MTMR8: variants seen among roughly 807,000 people sequenced by gnomAD.
MTMR8 encodes myotubularin related protein 8.
MTMR8 carries 65 observed loss-of-function variants against 39.3 expected under a neutral mutation model. The observed-to-expected ratio is 1.65, with a 90% CI of 1.35 to 2.03. The LOEUF is 2.03. MTMR8 is among the 30% of genes most tolerant of loss of function. The pLI is 0.00. For missense variants in MTMR8, 777 were observed against 538.9 expected, an observed-to-expected ratio of 1.44 and a Z score of -4.37; for synonymous variants, 245 against 185.2, an observed-to-expected ratio of 1.32 and a Z score of -2.62.
At chrX:64,299,933 T>C (rs1301888734) in intron 12 of MTMR8, among the ~76,000 whole-genome samples, 3 of 75,600 alleles carry the variant, frequency 4.0e-5, no homozygotes, top group East Asian at 4.3e-4. Flanking sequence ...GATTGCACTG[T>C]GGTCTGAGAG....
At chrX:64,295,318 A>C (rs1921537832) in intron 12 of MTMR8, among the ~76,000 whole-genome samples, 1 of 111,494 alleles carries the variant, frequency 9.0e-6, no homozygotes, top group Non-Finnish European at 1.9e-5. Flanking sequence ...TAAAACTGTA[A>C]AATTCTTTTT....
intron 7 of MTMR8, 150 bp from the exon 8 acceptor site, chrX:64,343,870 G>C: frequency 2.2e-6 from 1 of 449,871 alleles, no homozygotes; most frequent in Non-Finnish European, 3.9e-6. Flanking sequence ...GTCAGGGACA[G>C]AACTAGGTCT....
At chrX:64,368,345 C>T (rs1408224392) in intron 1 of MTMR8, among the ~76,000 whole-genome samples, 1 of 111,544 alleles carries the variant, frequency 9.0e-6, no homozygotes, top group Non-Finnish European at 1.9e-5. Flanking sequence ...GTCACACTAC[C>T]TGACTTCAAA....
At chrX:64,312,020 G>GT (rs1162813305) in intron 12 of MTMR8, among the ~76,000 whole-genome samples, 1 of 111,186 alleles carries the variant, frequency 9.0e-6, no homozygotes, top group Non-Finnish European at 1.9e-5. Flanking sequence ...CTTTAAAGCA[G>GT]TTTTTTCCAA....
At chrX:64,273,302 AAG>A (rs1191471945) in intron 12 of MTMR8, among the ~76,000 whole-genome samples, 1 of 111,023 alleles carries the variant, frequency 9.0e-6, no homozygotes, top group African/African-American at 3.3e-5. Flanking sequence ...TAACATAGAG[AAG>A]AAGAAAATGT....
chrX:64,324,364 G>A (rs1376420164), intron 12 of MTMR8, among the ~76,000 whole-genome samples: 1 of 111,119 alleles, frequency 9.0e-6, no homozygotes, highest in Non-Finnish European at 1.9e-5. Context: ...CATATCTCAA[G>A]AAAGAAAGAA....
chrX:64,337,360 G>T lies in MTMR8; in HGVS notation c.1009C>A (p.His337Asn). The stretch of plus-strand genomic sequence containing the variant: ...GTGCGGTCCCATCCATCAGAACAAT[G>T]GACTAAGACACTGGCCTTTTCTACC... ...VKVEKASVLV[H>N]CSDGWDRTAQ... Residue 337 changes from histidine (H) to asparagine (N), a missense_variant, in exon 9 of 14, where the codon CAT becomes AAT. Coordinates refer to ENST00000374852, the MANE Select transcript of MTMR8 (RefSeq NM_017677.4). 2 of 1,209,660 alleles carry T rather than the reference G, an allele frequency of 1.7e-6. No individual in the cohort carries two copies. Among genetic ancestry groups the T allele is most frequent in the East Asian group, 5.9e-5 (2 of 33,725 alleles).
At chrX:64,358,819 A>G (rs2147233861) in intron 2 of MTMR8, among the ~76,000 whole-genome samples, 1 of 106,691 alleles carries the variant, frequency 9.4e-6, no homozygotes, top group Non-Finnish European at 1.9e-5. Context: ...GTATAAAAAG[A>G]AACACATACA....
At chrX:64,270,854 A>G (rs937873035) in intron 13 of MTMR8, 93 bp downstream of exon 13, 1 of 1,024,416 alleles carries the variant, frequency 9.8e-7, no homozygotes, top group African/African-American at 1.9e-5. Context: ...AAAGCCAGCC[A>G]GTCAGCTTTC....
chrX:64,367,175 G>A, intron 1 of MTMR8, among the ~76,000 whole-genome samples: 1 of 111,715 alleles, frequency 9.0e-6, no homozygotes, highest in Non-Finnish European at 1.9e-5. Flanking sequence ...AATTCTACCA[G>A]AGGTAAAAAG....
Position 64,354,478 on chromosome X carries a change from A to G in MTMR8, c.468+299T>C, listed in dbSNP as rs895044832. Reference sequence around the variant, plus strand: ...ATAATTAAAAATAAAAAATGTTAAAATAAATTAGCCTTCACAAGGCTACTC... The same window carrying G: ...ATAATTAAAAATAAAAAATGTTAAAGTAAATTAGCCTTCACAAGGCTACTC... On this transcript the variant is annotated intron_variant, in intron 4 of 13. Transcript: ENST00000374852. Among the ~76,000 whole-genome samples, 13 of 111,493 alleles carry G rather than the reference A, an allele frequency of 1.2e-4. 1 individual carries two copies. The highest frequency in any genetic ancestry group is 2.3e-4 in the Non-Finnish European group (12 of 53,089).
chrX:64,272,776 G>T (rs1836127622), intron 12 of MTMR8, among the ~76,000 whole-genome samples: 1 of 111,351 alleles, frequency 9.0e-6, no homozygotes, highest in Non-Finnish European at 1.9e-5. Context: ...AAAGCAGTAA[G>T]ATAAAACCAA....
At chrX:64,334,669 CT>C (rs1258867386) in intron 10 of MTMR8, among the ~76,000 whole-genome samples, 1 of 109,227 alleles carries the variant, frequency 9.2e-6, no homozygotes, top group African/African-American at 3.3e-5. Flanking sequence ...CCTACACACC[CT>C]TTGACCCAGC....
intron 1 of MTMR8, among the ~76,000 whole-genome samples, chrX:64,387,962 T>C (rs1035449209): frequency 3.6e-5 from 4 of 110,831 alleles, no homozygotes; most frequent in Non-Finnish European, 7.6e-5. Flanking sequence ...TTTTGTTATT[T>C]CTCCACTCCT....
At chrX:64,276,395 C>T (rs1931873121) in intron 12 of MTMR8, among the ~76,000 whole-genome samples, 1 of 111,453 alleles carries the variant, frequency 9.0e-6, no homozygotes, top group Non-Finnish European at 1.9e-5. Flanking sequence ...GATCTTAGAT[C>T]TTTCCTGCTT....
intron 1 of MTMR8, among the ~76,000 whole-genome samples, chrX:64,373,423 C>T (rs1031464191): frequency 1.8e-5 from 2 of 111,445 alleles, no homozygotes; most frequent in African/African-American, 6.5e-5. Context: ...CTCCCTCTCT[C>T]CTGCTCCAGC....
intron 1 of MTMR8, among the ~76,000 whole-genome samples, chrX:64,374,947 C>A (rs913497586): frequency 9.3e-6 from 1 of 107,524 alleles, no homozygotes. Context: ...AGGAAGGATT[C>A]TCCCTTAAAG....
At chrX:64,386,675 T>C (rs1464979547) in intron 1 of MTMR8, among the ~76,000 whole-genome samples, 1 of 111,971 alleles carries the variant, frequency 8.9e-6, no homozygotes, top group Admixed American at 9.5e-5. Context: ...GGCATTGTGC[T>C]AATCTCAATG....
In MTMR8 at chrX:64,331,005, G is replaced by A. The variant is rs556049163; in HGVS notation, c.1352+552C>T. Among the ~76,000 whole-genome samples, 42 of 111,458 alleles carry A rather than the reference G, an allele frequency of 3.8e-4. No individual in the cohort carries two copies. In the South Asian group the frequency reaches 0.016, roughly 43 times the overall value. ...GTGAGGGATAAAAGACTACAAATTG[G>A]GTTCAGTGTATACTGCTCAGGAGAT... On this transcript the variant is annotated intron_variant, in intron 11 of 13. Coordinates refer to ENST00000374852, the MANE Select transcript of MTMR8 (RefSeq NM_017677.4).
Sources: allele counts gnomAD v4.1 joint callset (sites outside exome capture counted in the v4.1 genomes callset), GRCh38; gene constraint gnomAD v4.1.1; transcripts MANE v1.5; gene names NCBI Gene and HGNC (gene_info 2026-07-23, HGNC 2026-07-21).